The following MTCH1 variants were observed in gnomAD, a reference collection of about 807,000 sequenced individuals.
MTCH1 encodes the protein mitochondrial carrier 1.
MTCH1 carries 23 observed loss-of-function variants against 49.3 expected under a neutral mutation model. That is an observed-to-expected ratio of 0.47 (90% CI 0.34 to 0.66). The LOEUF is 0.66. MTCH1 is among the 30% of genes least tolerant of loss of function. The pLI is 0.01. For missense variants in MTCH1, 397 were observed against 532.1 expected (o/e 0.75, Z 2.50); for synonymous variants, 229 against 215.2 (o/e 1.06, Z -0.56).
chr6:36,979,856 C>T (rs1327787624), intron 2 of MTCH1, among the ~76,000 whole-genome samples: 6 of 152,122 alleles, frequency 3.9e-5, no homozygotes, highest in African/African-American at 2.4e-5. Flanking sequence ...GAATAAGGAC[C>T]GTCATTTCTC....
In MTCH1 at chr6:36,984,592, T is replaced by G. The variant is rs74802303; in HGVS notation, c.321+1261A>C. 3.6e-3 allele frequency among the ~76,000 whole-genome samples: 546 copies of G among 152,180 alleles called. 9 individuals carry two copies. In the East Asian group the frequency reaches 0.05, roughly 14 times the overall value. ...ATCTTGGATGGGTCTCCAATTCAAT[T>G]TTTACCTTCCTCCCCCCAAGCTTCT... On this transcript the variant is annotated intron_variant, in intron 1 of 11. Coordinates refer to ENST00000373627, the MANE Select transcript of MTCH1 (RefSeq NM_001271641.2).
intron 11 of MTCH1, chr6:36,969,467 C>T (rs781386944): frequency 4.9e-5 from 53 of 1,080,534 alleles, no homozygotes; most frequent in South Asian, 3.3e-4. Flanking sequence ...TCGGCCAAAG[C>T]CTGGACCCCT....
rs1433370765 is a variant in MTCH1 at position 36,970,009 on chromosome 6, A to G, written c.1098+30T>C. On this transcript the variant is annotated intron_variant, in intron 11 of 11. Coordinates refer to ENST00000373627, the MANE Select transcript of MTCH1 (RefSeq NM_001271641.2). ...GCTGAAGGATGTAGCAAAGAACAGG[A>G]AAGGCCTCCGCCGTCCAGTGCTTGC... The G allele has an allele frequency of 3.1e-6, 5 of 1,612,682 alleles. No homozygotes were observed. The Admixed American group carries it at 6.7e-5, about 22-fold the overall frequency.
chr6:36,975,526 C>T, intron 7 of MTCH1, 132 bp downstream of exon 7: 2 of 818,618 alleles, frequency 2.4e-6, no homozygotes, highest in Non-Finnish European at 4.0e-6. Context: ...GGAGAGCTGG[C>T]TGCAGCACTC....
At chr6:36,975,809 C>A in intron 6 of MTCH1, 92 bp from the exon 7 acceptor site, 1 of 1,152,344 alleles carries the variant, frequency 8.7e-7, no homozygotes, top group Non-Finnish European at 1.3e-6. Context: ...CAGTTCTGCT[C>A]AAATCCAGCC....
At chr6:36,981,176 A>G (rs961330400) in intron 2 of MTCH1, among the ~76,000 whole-genome samples, 3 of 152,184 alleles carry the variant, frequency 2.0e-5, no homozygotes, top group Non-Finnish European at 4.4e-5. Flanking sequence ...GATAAAAGAA[A>G]AAAACTCAAG....
chr6:36,977,617 G>GA lies in MTCH1; in HGVS notation c.649+16dup. ...CGCCAGCTTAGATACAGTCTCGGGG[G>GA]AAGGGGGGTGGCTTACCATGCAGGG... On this transcript the variant is annotated intron_variant, in intron 5 of 11. Coordinates refer to ENST00000373627, the MANE Select transcript of MTCH1 (RefSeq NM_001271641.2). This position sits in a 1 kb window ranked among gnomAD's most constrained non-coding sequence, Gnocchi z 5.4. 1 of 1,570,510 alleles carries GA rather than the reference G, an allele frequency of 6.4e-7. No homozygotes were observed. The highest frequency in any genetic ancestry group is 8.7e-7 in the Non-Finnish European group (1 of 1,145,150).
Position 36,972,668 on chromosome 6 carries a change from T to C in MTCH1, c.890A>G (p.Gln297Arg). The C allele has an allele frequency of 6.4e-7, 1 of 1,551,186 alleles. No individual in the cohort carries two copies. Among genetic ancestry groups the C allele is most frequent in the Admixed American group, 2.0e-5 (1 of 50,986 alleles). The change falls in exon 8 of 12, where the codon CAG becomes CGG. Residue 297 changes from glutamine (Q) to arginine (R), a missense_variant. Transcript: ENST00000373627. The surrounding 1 kb of genome is among the most constrained non-coding windows in gnomAD (Gnocchi z 4.1). Reference sequence around the variant, plus strand: ...CCAACCAACCTGGGAACCTGGATTCTGGTCGTTTCCCAGCCCCCCTGGGGT... The same window carrying C: ...CCAACCAACCTGGGAACCTGGATTCCGGTCGTTTCCCAGCCCCCCTGGGGT... ...SDTPGGLGND[Q>R]NPGSQFSQAL...
At chr6:36,970,524 C>G (rs746718807) in intron 9 of MTCH1, 51 bp from the exon 10 acceptor site, 1 of 1,609,116 alleles carries the variant, frequency 6.2e-7, no homozygotes, top group African/African-American at 1.3e-5. Flanking sequence ...GCCCAGGGAG[C>G]AGGGACACAC....
At chr6:36,970,006 A>G (rs370738959) in intron 11 of MTCH1, 33 bp downstream of exon 11, 117 of 1,612,152 alleles carry the variant, frequency 7.3e-5, no homozygotes, top group Non-Finnish European at 9.2e-5. Context: ...AGCAAAGAAC[A>G]GGAAAGGCCT....
intron 1 of MTCH1, among the ~76,000 whole-genome samples, chr6:36,984,958 G>C (rs1764243712): frequency 6.6e-6 from 1 of 151,674 alleles, no homozygotes; most frequent in Admixed American, 6.6e-5. Context: ...CCCCAACTAT[G>C]ACTTCCATTT....
chr6:36,985,742 A>AACCCCCC, intron 1 of MTCH1, 111 bp downstream of exon 1: 2 of 109,366 alleles, frequency 1.8e-5, no homozygotes, highest in Non-Finnish European at 3.1e-5. Flanking sequence ...CGCCGTCCCC[A>AACCCCCC]CCCCTCTCCC....
At chr6:36,970,254 C>T in intron 10 of MTCH1, 140 bp from the exon 11 acceptor site, 1 of 1,424,184 alleles carries the variant, frequency 7.0e-7, no homozygotes, top group Non-Finnish European at 9.7e-7. Flanking sequence ...CCAGGGGGTG[C>T]TGGGAAATCC....
At chr6:36,986,265 G>C, upstream of MTCH1, 1 of 1,191,736 alleles carries the variant, frequency 8.4e-7, no homozygotes, top group Non-Finnish European at 1.1e-6. Context: ...ACCACTCCAG[G>C]CCGCGGGGGA....
chr6:36,975,564 T>C (rs756174613), intron 7 of MTCH1, 94 bp downstream of exon 7: 13 of 1,267,040 alleles, frequency 1.0e-5, no homozygotes, highest in Non-Finnish European at 1.5e-5. Context: ...TGTAGTGAAG[T>C]CCCAGGCCAG....
chr6:36,971,695 C>T (rs1037773914), intron 8 of MTCH1, among the ~76,000 whole-genome samples: 1 of 151,754 alleles, frequency 6.6e-6, no homozygotes, highest in African/African-American at 2.4e-5. Context: ...CAGACATGTA[C>T]CACACACACA....
chr6:36,975,789 C>G, intron 6 of MTCH1, 72 bp from the exon 7 acceptor site: 1 of 1,394,320 alleles, frequency 7.2e-7, no homozygotes. Context: ...TGGTGTGGGG[C>G]TGAGCCCACC....
At chr6:36,983,918 C>A (rs1764198644) in intron 1 of MTCH1, among the ~76,000 whole-genome samples, 1 of 152,148 alleles carries the variant, frequency 6.6e-6, no homozygotes, top group African/African-American at 2.4e-5. Context: ...CAGACAGGCA[C>A]CTCTGGTCCT....
chr6:36,968,649 T>C lies in MTCH1; in HGVS notation c.*254A>G. 1 of 568,364 alleles carries C rather than the reference T, an allele frequency of 1.8e-6. No individual in the cohort carries two copies. Among genetic ancestry groups the C allele is most frequent in the Non-Finnish European group, 3.4e-6 (1 of 295,126 alleles). The allele number at this position is 568,364 out of a possible 1,614,324, so 35.2% of individuals were successfully genotyped here. A position where few individuals can be genotyped will look rare whatever the true frequency, so the allele number is the denominator to read the frequency against. ...AGACAGACTCAGCAAATCTGCGAGG[T>C]ATGGGGATTCTGCCAACTCCCCACC... On this transcript the variant is annotated 3_prime_UTR_variant, in exon 12 of 12. Transcript: ENST00000373627.
Sources: allele counts gnomAD v4.1 joint callset (sites outside exome capture counted in the v4.1 genomes callset), GRCh38; gene constraint gnomAD v4.1.1; non-coding constraint Gnocchi (gnomAD v3.1); transcripts MANE v1.5; gene names NCBI Gene and HGNC (gene_info 2026-07-23, HGNC 2026-07-21).